SLC44A5: variants seen among roughly 807,000 people sequenced by gnomAD.
SLC44A5 encodes the protein choline transporter-like protein 5.
A neutral mutation model predicts 101.8 loss-of-function variants in SLC44A5; 57 were observed. The ratio of observed to expected loss-of-function variants is 0.56; its 90% CI spans 0.45 to 0.70. SLC44A5 has a LOEUF of 0.70. SLC44A5 is among the 30% of genes least tolerant of loss of function. The pLI, the probability that SLC44A5 is intolerant of heterozygous loss-of-function variation, is 0.00. For missense variants in SLC44A5, 737 were observed against 853.1 expected, an observed-to-expected ratio of 0.86 and a Z score of 1.70; for synonymous variants, 281 against 290.9, an observed-to-expected ratio of 0.97 and a Z score of 0.35.
intron 1 of SLC44A5, among the ~76,000 whole-genome samples, chr1:75,549,547 G>T (rs1027101590): frequency 6.6e-6 from 1 of 152,060 alleles, no homozygotes; most frequent in African/African-American, 2.4e-5. Flanking sequence ...AGTGTCTCTT[G>T]TATGTCAAAT....
intron 1 of SLC44A5, among the ~76,000 whole-genome samples, chr1:75,552,542 C>T (rs1270506618): frequency 2.0e-5 from 3 of 151,768 alleles, no homozygotes; most frequent in Non-Finnish European, 4.4e-5. Flanking sequence ...ACCTCAACAT[C>T]ATATAAACAT....
In SLC44A5 at chr1:75,218,477, A is replaced by G; in HGVS notation, c.1529+13T>C. ...ACTGACAAGATAGGTGTAGGCTTCAACTTGAAACTTACCGTATGGCTCGTC... is the reference window on the plus strand; with the variant it reads ...ACTGACAAGATAGGTGTAGGCTTCAGCTTGAAACTTACCGTATGGCTCGTC... On this transcript the variant is annotated intron_variant, in intron 17 of 23. Coordinates refer to ENST00000370859, the MANE Select transcript of SLC44A5 (RefSeq NM_001130058.2). The G allele has an allele frequency of 6.2e-7, 1 of 1,613,394 alleles. No homozygotes were observed. The highest frequency in any genetic ancestry group is 8.5e-7 in the Non-Finnish European group (1 of 1,179,438).
At chr1:75,264,903 CAAAT>C (rs1200636572) in intron 6 of SLC44A5, among the ~76,000 whole-genome samples, 2 of 151,650 alleles carry the variant, frequency 1.3e-5, no homozygotes, top group African/African-American at 4.8e-5. Flanking sequence ...AGAGAAGACC[CAAAT>C]AAATAAAATC....
At chr1:75,480,013 G>T (rs991887902) in intron 2 of SLC44A5, among the ~76,000 whole-genome samples, 115 of 152,232 alleles carry the variant, frequency 7.6e-4, no homozygotes, top group African/African-American at 2.5e-3. Context: ...ATAAAATACT[G>T]GCAAACCGAA....
At chr1:75,467,106 T>C (rs528483715) in intron 2 of SLC44A5, among the ~76,000 whole-genome samples, 31 of 152,028 alleles carry the variant, frequency 2.0e-4, no homozygotes, top group Middle Eastern at 3.4e-3. Flanking sequence ...TTAAACTAAA[T>C]ACCTAGGAAT....
intron 1 of SLC44A5, among the ~76,000 whole-genome samples, chr1:75,573,582 T>C (rs541420498): frequency 9.2e-5 from 14 of 152,124 alleles, no homozygotes; most frequent in Non-Finnish European, 5.9e-5. Context: ...TCACAAGTAA[T>C]ACAAAATGAA....
intron 2 of SLC44A5, among the ~76,000 whole-genome samples, chr1:75,502,394 T>C (rs1669008529): frequency 6.6e-6 from 1 of 152,214 alleles, no homozygotes; most frequent in Non-Finnish European, 1.5e-5. Context: ...AGCATGTTTT[T>C]AGCCAGCAGC....
At chr1:75,472,993 A>G (rs1667191827) in intron 2 of SLC44A5, among the ~76,000 whole-genome samples, 1 of 152,174 alleles carries the variant, frequency 6.6e-6, no homozygotes, top group African/African-American at 2.4e-5. Flanking sequence ...AACTGGCTAT[A>G]AAACTGTTTT....
At chr1:75,398,281 G>C (rs985052447) in intron 2 of SLC44A5, 1 of 453,810 alleles carries the variant, frequency 2.2e-6, no homozygotes, top group East Asian at 1.6e-4. Flanking sequence ...TAATAACAGT[G>C]GTCAGCCTCT....
Position 75,218,661 on chromosome 1 carries a change from A to G in SLC44A5, c.1358T>C (p.Ile453Thr), listed in dbSNP as rs1295943715. 1.2e-6 allele frequency: 2 copies of G among 1,613,728 alleles called. No homozygotes were observed. The highest frequency in any genetic ancestry group is 8.5e-7 in the Non-Finnish European group (1 of 1,179,776). Residue 453 changes from isoleucine (I) to threonine (T), a missense_variant, in exon 17 of 24, where the codon ATC becomes ACC. This residue lies in a region of SLC44A5 where 665 missense variants were observed against 764.4 expected (regional missense o/e 0.87). Transcript: ENST00000370859. ...TAAGTTGTATACATGGAAGGTAGGG[A>G]TGTACTGATGGTACAAGCTCTTTCC... ...YGGKSLYHQY[I>T]PTFHVYNLFV...
At chr1:75,615,291 C>T (rs1051835641), upstream of SLC44A5, among the ~76,000 whole-genome samples, 1 of 152,004 alleles carries the variant, frequency 6.6e-6, no homozygotes, top group East Asian at 1.9e-4. Context: ...CAGCTCCAAT[C>T]TCCTCCTGAG....
intron 2 of SLC44A5, among the ~76,000 whole-genome samples, chr1:75,532,835 T>G (rs1670796766): frequency 6.6e-6 from 1 of 151,882 alleles, no homozygotes; most frequent in Admixed American, 6.6e-5. Flanking sequence ...AGCTCAAGAG[T>G]TCGAGACAAG....
chr1:75,227,509 TG>T lies in SLC44A5; in HGVS notation c.985+216del, dbSNP rs1373590432. ...AATTTTAATTTGAAGGCAAATGGCT[TG>T]AGGTCCTTGTAAGGTAGCATTTTCT... On this transcript the variant is annotated intron_variant, in intron 13 of 23. Transcript: ENST00000370859. Among the ~76,000 whole-genome samples, 4 of 152,196 alleles carry T rather than the reference TG, an allele frequency of 2.6e-5. No homozygotes were observed. In the East Asian group the frequency reaches 7.7e-4, roughly 29 times the overall value.
intron 2 of SLC44A5, among the ~76,000 whole-genome samples, chr1:75,500,516 T>C (rs1278012604): frequency 1.3e-5 from 2 of 152,170 alleles, no homozygotes; most frequent in East Asian, 3.9e-4. Context: ...GGAACATAGA[T>C]GCTTGAGTCA....
At chr1:75,337,202 C>A (rs556719339) in intron 4 of SLC44A5, among the ~76,000 whole-genome samples, 1 of 152,048 alleles carries the variant, frequency 6.6e-6, no homozygotes, top group Non-Finnish European at 1.5e-5. Flanking sequence ...TTCTTTCCTT[C>A]ACTCCTTAAA....
chr1:75,655,162 T>C, the SLC44A5 span, among the ~76,000 whole-genome samples: 1 of 152,164 alleles, frequency 6.6e-6, no homozygotes, highest in East Asian at 1.9e-4. Context: ...GGGATTTAAA[T>C]GACTAATGAC....
intron 2 of SLC44A5, chr1:75,538,216 G>A (rs1671160510): frequency 6.6e-6 from 1 of 152,122 alleles, no homozygotes; most frequent in African/African-American, 2.4e-5. Flanking sequence ...AGAAAAAAGT[G>A]TTTATTGTCT....
intron 2 of SLC44A5, among the ~76,000 whole-genome samples, chr1:75,531,039 G>A (rs1462065371): frequency 6.6e-6 from 1 of 152,084 alleles, no homozygotes; most frequent in Non-Finnish European, 1.5e-5. Flanking sequence ...AACCACAAAT[G>A]GCCTATTGCA....
chr1:75,705,836 G>A, the SLC44A5 span, among the ~76,000 whole-genome samples: 9 of 151,972 alleles, frequency 5.9e-5, no homozygotes, highest in East Asian at 3.9e-4. Context: ...GCACCACCAC[G>A]CCGGACTAAT....
Sources: allele counts gnomAD v4.1 joint callset (sites outside exome capture counted in the v4.1 genomes callset), GRCh38; gene constraint gnomAD v4.1.1; regional missense constraint gnomAD v4.1.1; transcripts MANE v1.5; gene names NCBI Gene and HGNC (gene_info 2026-07-23, HGNC 2026-07-21).